The following CNIH3 variants were observed in gnomAD, a reference collection of about 807,000 sequenced individuals.
CNIH3 encodes protein cornichon homolog 3.
A neutral mutation model predicts 24.1 loss-of-function variants in CNIH3; 14 were observed. The ratio of observed to expected loss-of-function variants is 0.58; its 90% CI spans 0.38 to 0.91. The LOEUF is 0.91. Among genes scored for constraint, CNIH3 ranks in the 40% least tolerant of loss-of-function variants. The probability of loss-of-function intolerance (pLI) is 0.00; values close to 1 mark genes in which losing one functional copy is unlikely to be tolerated. For missense variants in CNIH3, 178 were observed against 196.8 expected, an observed-to-expected ratio of 0.90 and a Z score of 0.57; for synonymous variants, 68 against 73.8, an observed-to-expected ratio of 0.92 and a Z score of 0.40.
At chr1:224,661,534 A>G in intron 1 of CNIH3, 2 of 344,078 alleles carry the variant, frequency 5.8e-6, no homozygotes, top group South Asian at 6.0e-5. Flanking sequence ...GAAGTCCTCA[A>G]ATAGATTTTC....
rs200815948 is a variant in CNIH3 at position 224,493,023 on chromosome 1, T to C, written n.204-22718T>C. On this transcript the variant is annotated intron_variant and non_coding_transcript_variant, in intron 1 of 5. Coordinates refer to the CNIH3 transcript ENST00000471578. ...GATCCATGGAATCCATTTATAAGGA[T>C]TGAGTCAACGATTTCCCTGGAGAGT... is the stretch of plus-strand genomic sequence containing the variant. Among the ~76,000 whole-genome samples, 29 of 152,332 alleles carry C rather than the reference T, an allele frequency of 1.9e-4. No homozygotes were observed. The East Asian group carries it at 4.0e-3, about 21-fold the overall frequency.
chr1:224,710,863 T>A (rs1169187607), intron 3 of CNIH3, among the ~76,000 whole-genome samples: 1 of 152,244 alleles, frequency 6.6e-6, no homozygotes, highest in Admixed American at 6.5e-5. Context: ...AAATGATCTC[T>A]GCCCTCTCTA....
intron 1 of CNIH3, among the ~76,000 whole-genome samples, chr1:224,665,166 G>C (rs1685537210): frequency 6.6e-6 from 1 of 152,162 alleles, no homozygotes; most frequent in Non-Finnish European, 1.5e-5. Context: ...TGGAGGTTCT[G>C]AATCCTGGGA....
intron 4 of CNIH3, among the ~76,000 whole-genome samples, chr1:224,731,144 T>C (rs1016436548): frequency 2.0e-5 from 3 of 152,182 alleles, no homozygotes; most frequent in African/African-American, 7.2e-5. Context: ...AGGTTTTCTT[T>C]TTAGGGTGAT....
intron 1 of CNIH3, among the ~76,000 whole-genome samples, chr1:224,516,312 C>CA (rs71574505): frequency 0.011 from 728 of 67,626 alleles, 29 homozygotes; most frequent in Middle Eastern, 0.022. Context: ...GACTCTGTCT[C>CA]AAAAAAAAAA....
intron 3 of CNIH3, among the ~76,000 whole-genome samples, chr1:224,691,112 A>G (rs1157158761): frequency 6.6e-6 from 1 of 152,246 alleles, no homozygotes. Flanking sequence ...TTGCATTATT[A>G]TTAATGCTTC....
At position 224,606,052 on chromosome 1, in the gene CNIH3, G is replaced by A. The variant is rs140923819; in HGVS notation, n.402+39788G>A. ...CAGGAAGGGGAACATGTAGGTGAGT[G>A]GGTGCTGGGGCCGGGATGAGTGCTT... is the stretch of plus-strand genomic sequence containing the variant. On this transcript the variant is annotated intron_variant and non_coding_transcript_variant, in intron 3 of 7. Transcript: ENST00000478120. 7.2e-3 allele frequency among the ~76,000 whole-genome samples: 1,102 copies of A among 152,314 alleles called. 8 individuals carry two copies. Among genetic ancestry groups the A allele is most frequent in the Non-Finnish European group, 0.012 (800 of 68,028 alleles).
At chr1:224,541,395 T>C (rs1294113805), downstream of CNIH3, among the ~76,000 whole-genome samples, 1 of 152,160 alleles carries the variant, frequency 6.6e-6, no homozygotes, top group African/African-American at 2.4e-5. Flanking sequence ...ATTAGGGTCA[T>C]TTTTCTTTGG....
chr1:224,468,662 G>C (rs933053623), intron 1 of CNIH3, among the ~76,000 whole-genome samples: 43 of 151,802 alleles, frequency 2.8e-4, no homozygotes, highest in Non-Finnish European at 1.3e-4. Context: ...TATTGCATAG[G>C]CTAGAACTTT....
chr1:224,722,056 G>A (rs1201144120), intron 3 of CNIH3, among the ~76,000 whole-genome samples: 1 of 146,868 alleles, frequency 6.8e-6, no homozygotes, highest in African/African-American at 2.5e-5. Context: ...TGAAGCAGTA[G>A]TAAGTGAGCA....
chr1:224,664,605 A>G (rs906440849), intron 1 of CNIH3: 8 of 152,194 alleles, frequency 5.3e-5, no homozygotes, highest in African/African-American at 1.9e-4. Flanking sequence ...TGTACAGAAA[A>G]TAACTTTTAA....
chr1:224,608,543 A>G (rs1200037130), intron 3 of CNIH3, among the ~76,000 whole-genome samples: 2 of 152,344 alleles, frequency 1.3e-5, no homozygotes, highest in South Asian at 2.1e-4. Context: ...AGAACAGGAC[A>G]GGGATTTTTA....
chr1:224,482,283 C>T (rs1558097173), intron 1 of CNIH3, among the ~76,000 whole-genome samples: 1 of 152,094 alleles, frequency 6.6e-6, no homozygotes, highest in African/African-American at 2.4e-5. Context: ...TTTATTCTTT[C>T]CTCTGCTTTT....
downstream of CNIH3, among the ~76,000 whole-genome samples, chr1:224,591,376 T>C (rs747091100): frequency 6.6e-6 from 1 of 152,204 alleles, no homozygotes; most frequent in Non-Finnish European, 1.5e-5. Context: ...CCCCACTGTT[T>C]ACTAGCTGTG....
intron 1 of CNIH3, among the ~76,000 whole-genome samples, chr1:224,477,844 G>T (rs1195283390): frequency 6.6e-6 from 1 of 152,176 alleles, no homozygotes; most frequent in Non-Finnish European, 1.5e-5. Flanking sequence ...CTTGTAGGAA[G>T]GGTCTGGTAT....
At chr1:224,519,329 A>G (rs1486589130) in intron 1 of CNIH3, among the ~76,000 whole-genome samples, 1 of 152,116 alleles carries the variant, frequency 6.6e-6, no homozygotes, top group Non-Finnish European at 1.5e-5. Flanking sequence ...TGGGGCATCA[A>G]TCTACTTCTG....
downstream of CNIH3, among the ~76,000 whole-genome samples, chr1:224,539,055 A>G (rs765988342): frequency 2.0e-5 from 3 of 150,262 alleles, no homozygotes; most frequent in Non-Finnish European, 4.4e-5. Flanking sequence ...GGGCTCACCT[A>G]TATTCACCTC....
chr1:224,588,811 G>T (rs1244499660), downstream of CNIH3, among the ~76,000 whole-genome samples: 1 of 151,428 alleles, frequency 6.6e-6, no homozygotes, highest in African/African-American at 2.4e-5. Context: ...GCTGATTCTA[G>T]GAGTTAAAAA....
At chr1:224,586,340 T>C (rs898036328) in intron 5 of CNIH3, among the ~76,000 whole-genome samples, 1 of 152,194 alleles carries the variant, frequency 6.6e-6, no homozygotes, top group Non-Finnish European at 1.5e-5. Flanking sequence ...ATGTCTCACG[T>C]GGTGGCAGAC....
Sources: gnomAD v4.1 joint callset for allele counts (sites outside exome capture counted in the v4.1 genomes callset) on GRCh38, gnomAD v4.1.1 for gene constraint, MANE v1.5 for transcripts, NCBI Gene and HGNC (gene_info 2026-07-23, HGNC 2026-07-21) for gene names.